Variants in PTPRT observed in about 807,000 individuals in gnomAD.
PTPRT encodes receptor-type tyrosine-protein phosphatase T.
Under a neutral mutation model 176.8 loss-of-function variants are expected in PTPRT, and 56 were observed. That is an observed-to-expected ratio of 0.32 (90% CI 0.26 to 0.40). The LOEUF (loss-of-function observed/expected upper bound fraction) is 0.40. Among genes scored for constraint, PTPRT ranks in the 10% least tolerant of loss-of-function variants. The probability of loss-of-function intolerance (pLI) is 1.00; values close to 1 mark genes in which losing one functional copy is unlikely to be tolerated. For synonymous variants in PTPRT, 783 were observed against 739.0 expected (o/e 1.06, Z -0.96); for missense variants, 1,540 against 1,908.2 (o/e 0.81, Z 3.60).
chr20:42,709,682 G>T lies in PTPRT; in HGVS notation c.860-31523C>A, dbSNP rs550987873. Among the ~76,000 whole-genome samples the T allele has an allele frequency of 6.6e-5, 10 of 152,300 alleles. No individual in the cohort carries two copies. In the South Asian group the frequency reaches 1.7e-3, roughly 25 times the overall value. ...GAGTGTTGCTATAAAAGTACCTGAAGATGTTGAACTGGTTTTTGAACTGGT... is the reference window on the plus strand; with the variant it reads ...GAGTGTTGCTATAAAAGTACCTGAATATGTTGAACTGGTTTTTGAACTGGT... On this transcript the variant is annotated intron_variant, in intron 6 of 30. Transcript: ENST00000373187.
At chr20:42,667,313 G>A (rs892912562) in intron 7 of PTPRT, among the ~76,000 whole-genome samples, 30 of 152,144 alleles carry the variant, frequency 2.0e-4, no homozygotes, top group African/African-American at 6.5e-4. Flanking sequence ...TAGACAGTGA[G>A]TGGAGGAATT....
rs369776794 is a variant in PTPRT, at chr20:42,678,107, G to A, written c.912C>T (p.Tyr304=). 6.8e-5 allele frequency: 109 copies of A among 1,613,988 alleles called. No homozygotes were observed. The highest frequency in any genetic ancestry group is 9.1e-5 in the Non-Finnish European group (107 of 1,179,996). The change falls in exon 7 of 31, where the codon TAC becomes TAT. Residue 304 remains tyrosine, a synonymous_variant. Coordinates refer to ENST00000373187, the MANE Select transcript of PTPRT (RefSeq NM_007050.6). ...AGTTGGCATTTGGCTTGATCCACAG[G>A]TATGTGGCCCCCACAGCCAGCAGCT... The part of the protein sequence containing the change: ...PPELLAVGAT[Y]LWIKPNANSI...
At position 42,529,327 on chromosome 20, in the gene PTPRT, C is replaced by T. The variant is rs1403560946; in HGVS notation, c.1154-56765G>A. ...TAGTACGGGGAAGGGCACCGTGAGA[C>T]CACGACTGTCTAATGAGCCGGGTTT... is the stretch of plus-strand genomic sequence containing the variant. On this transcript the variant is annotated intron_variant, in intron 7 of 30. Transcript: ENST00000373187. 2.6e-5 allele frequency among the ~76,000 whole-genome samples: 4 copies of T among 151,608 alleles called. No homozygotes were observed. In the South Asian group the frequency reaches 6.4e-4, roughly 24 times the overall value.
At position 42,937,243 on chromosome 20, in the gene PTPRT, C is replaced by G. The variant is rs6130261; in HGVS notation, c.89-51311G>C. On this transcript the variant is annotated intron_variant, in intron 1 of 30. Coordinates refer to ENST00000373187, the MANE Select transcript of PTPRT (RefSeq NM_007050.6). ...CCAGGCACTATCCAACGCACTGCTC[C>G]TACGTTATCCACATGCATACACAGG... 3.3e-5 allele frequency among the ~76,000 whole-genome samples: 5 copies of G among 152,330 alleles called. No individual in the cohort carries two copies. In the South Asian group the frequency reaches 6.2e-4, roughly 19 times the overall value.
At chr20:42,870,669 G>C (rs2078829904) in intron 2 of PTPRT, among the ~76,000 whole-genome samples, 1 of 152,186 alleles carries the variant, frequency 6.6e-6, no homozygotes, top group Non-Finnish European at 1.5e-5. Context: ...TCATTTCTCA[G>C]AATGTATTCC....
intron 1 of PTPRT, among the ~76,000 whole-genome samples, chr20:42,998,567 G>A (rs1984357425): frequency 6.6e-6 from 1 of 152,134 alleles, no homozygotes; most frequent in Non-Finnish European, 1.5e-5. Context: ...CTCCTATATT[G>A]ATTACCTGCA....
chr20:42,591,208 A>G (rs981318262), intron 7 of PTPRT, among the ~76,000 whole-genome samples: 2 of 152,144 alleles, frequency 1.3e-5, no homozygotes, highest in Non-Finnish European at 2.9e-5. Flanking sequence ...TAAGGGAAAG[A>G]TTGATAAATT....
At chr20:42,250,057 C>T (rs1439834204) in intron 13 of PTPRT, among the ~76,000 whole-genome samples, 2 of 152,194 alleles carry the variant, frequency 1.3e-5, no homozygotes, top group Non-Finnish European at 2.9e-5. Context: ...AGCCTGTGCC[C>T]CTGGGAGAGT....
At chr20:42,697,472 G>A (rs1348450298) in intron 6 of PTPRT, among the ~76,000 whole-genome samples, 5 of 152,140 alleles carry the variant, frequency 3.3e-5, no homozygotes, top group Admixed American at 6.5e-5. Context: ...CAAATTACTC[G>A]AAAGGAAGAT....
chr20:42,891,715 T>A (rs1017413792), intron 1 of PTPRT, among the ~76,000 whole-genome samples: 8 of 152,256 alleles, frequency 5.3e-5, no homozygotes, highest in African/African-American at 1.9e-4. Context: ...TGTGTATTCT[T>A]GAGCTGAATT....
intron 7 of PTPRT, among the ~76,000 whole-genome samples, chr20:42,673,503 G>A (rs1160558187): frequency 2.0e-5 from 3 of 152,114 alleles, no homozygotes; most frequent in Non-Finnish European, 4.4e-5. Flanking sequence ...ACCATAGACT[G>A]GGTAACTTAT....
chr20:42,438,767 G>T (rs2059285488), intron 9 of PTPRT, among the ~76,000 whole-genome samples: 1 of 152,162 alleles, frequency 6.6e-6, no homozygotes, highest in Non-Finnish European at 1.5e-5. Flanking sequence ...AACCTCACTG[G>T]CAGGACAACA....
At chr20:42,590,347 G>T (rs576347564) in intron 7 of PTPRT, among the ~76,000 whole-genome samples, 1 of 152,232 alleles carries the variant, frequency 6.6e-6, no homozygotes, top group Admixed American at 6.5e-5. Context: ...AAGACATAAT[G>T]AAAAATACAT....
intron 1 of PTPRT, among the ~76,000 whole-genome samples, chr20:43,161,941 C>T (rs562040074): frequency 3.3e-5 from 5 of 152,250 alleles, no homozygotes; most frequent in South Asian, 2.1e-4. Context: ...AGCATAACAG[C>T]GTTTTATGGG....
intron 2 of PTPRT, among the ~76,000 whole-genome samples, chr20:42,844,277 T>C (rs1353263390): frequency 1.3e-5 from 2 of 152,206 alleles, no homozygotes; most frequent in Non-Finnish European, 2.9e-5. Context: ...CTTTTTGTGA[T>C]GAAAACATAC....
At chr20:42,554,125 T>C (rs551317289) in intron 7 of PTPRT, among the ~76,000 whole-genome samples, 1 of 152,276 alleles carries the variant, frequency 6.6e-6, no homozygotes, top group African/African-American at 2.4e-5. Flanking sequence ...AAAGAGTCCG[T>C]AATTGCCTAC....
chr20:42,767,308 C>T lies in PTPRT; in HGVS notation c.684+4127G>A, dbSNP rs564757700. On this transcript the variant is annotated intron_variant, in intron 5 of 30. Transcript: ENST00000373187. ...CAGTAAAGTGCATGGCCCTCCCCAG[C>T]GTGAATGGGCACCATCCAATCTTTG... 5.9e-5 allele frequency among the ~76,000 whole-genome samples: 9 copies of T among 152,210 alleles called. No individual in the cohort carries two copies. The South Asian group carries it at 1.0e-3, about 18-fold the overall frequency.
chr20:42,919,762 T>C (rs1265248845), intron 1 of PTPRT, among the ~76,000 whole-genome samples: 1 of 152,242 alleles, frequency 6.6e-6, no homozygotes, highest in Non-Finnish European at 1.5e-5. Flanking sequence ...CCCTCAAATA[T>C]AGATTCCTGT....
intron 13 of PTPRT, among the ~76,000 whole-genome samples, chr20:42,251,792 TG>T (rs1284469096): frequency 6.6e-6 from 1 of 151,516 alleles, no homozygotes; most frequent in Non-Finnish European, 1.5e-5. Flanking sequence ...AAAAAGAAGC[TG>T]AAGAGGGCAT....
Sources: allele counts gnomAD v4.1 joint callset (sites outside exome capture counted in the v4.1 genomes callset), GRCh38; gene constraint gnomAD v4.1.1; transcripts MANE v1.5; gene names NCBI Gene and HGNC (gene_info 2026-07-23, HGNC 2026-07-21).